The following KIRREL3 variants were observed in gnomAD, a reference collection of about 807,000 sequenced individuals.
The protein encoded by KIRREL3 is kirre like nephrin family adhesion molecule 3.
Under a neutral mutation model 89.7 loss-of-function variants are expected in KIRREL3, and 36 were observed. The observed-to-expected ratio is 0.40, with a 90% CI of 0.31 to 0.53. The LOEUF is 0.53. Ranked by LOEUF, KIRREL3 falls within the 20% of genes least tolerant of loss-of-function variation. KIRREL3 has a pLI of 0.49. For missense variants in KIRREL3, 864 were observed against 1,056.6 expected, an observed-to-expected ratio of 0.82 and a Z score of 2.53; for synonymous variants, 445 against 441.4, an observed-to-expected ratio of 1.01 and a Z score of -0.10.
At chr11:126,915,889 TA>T (rs1349299786) in intron 1 of KIRREL3, among the ~76,000 whole-genome samples, 5 of 151,984 alleles carry the variant, frequency 3.3e-5, no homozygotes, top group Admixed American at 2.0e-4. Flanking sequence ...TTTGCAAATG[TA>T]AAAAAAATTC....
In KIRREL3 at chr11:126,890,284, A is replaced by G. The variant is rs1945861470; in HGVS notation, c.55+110171T>C. ...TCCGAGAGTGCCTCATACCTAAGACAGTCAGCCCTGACCAGCAACAATAGC... is the reference window on the plus strand; with the variant it reads ...TCCGAGAGTGCCTCATACCTAAGACGGTCAGCCCTGACCAGCAACAATAGC... On this transcript the variant is annotated intron_variant, in intron 1 of 16. Coordinates refer to ENST00000525144, the MANE Select transcript of KIRREL3 (RefSeq NM_032531.4). This position sits in a 1 kb window ranked among gnomAD's most constrained non-coding sequence, Gnocchi z 5.1. Among the ~76,000 whole-genome samples the G allele has an allele frequency of 6.6e-6, 1 of 152,200 alleles. No individual in the cohort carries two copies. The highest frequency in any genetic ancestry group is 1.5e-5 in the Non-Finnish European group (1 of 68,034).
chr11:126,893,205 T>C (rs1474321072), intron 1 of KIRREL3, among the ~76,000 whole-genome samples: 1 of 152,226 alleles, frequency 6.6e-6, no homozygotes, highest in Non-Finnish European at 1.5e-5. Flanking sequence ...AAGGCTCTTC[T>C]ATAATTTTAC....
intron 1 of KIRREL3, among the ~76,000 whole-genome samples, chr11:126,836,444 C>A (rs1943783864): frequency 6.6e-6 from 1 of 150,716 alleles, no homozygotes; most frequent in African/African-American, 2.5e-5. Flanking sequence ...GGGTCTGAGC[C>A]AAGCCAATAT....
intron 1 of KIRREL3, among the ~76,000 whole-genome samples, chr11:126,690,373 T>TC (rs1164597471): frequency 6.6e-6 from 1 of 151,868 alleles, no homozygotes. Context: ...TTTTTTTTTT[T>TC]TTTCCCATTA....
At position 126,985,314 on chromosome 11, in the gene KIRREL3, C is replaced by T. The variant is rs1045502607; in HGVS notation, c.55+15141G>A. 6.6e-6 allele frequency among the ~76,000 whole-genome samples: 1 copy of T among 152,132 alleles called. No individual in the cohort carries two copies. The highest frequency in any genetic ancestry group is 2.4e-5 in the African/African-American group (1 of 41,416). On this transcript the variant is annotated intron_variant, in intron 1 of 16. Transcript: ENST00000525144. The surrounding 1 kb of genome is among the most constrained non-coding windows in gnomAD (Gnocchi z 5.3). ...ATTGTATCTGACTCTGCGCCCAAGT[C>T]CAACAAAGCCACTGCACGGTAGATG...
chr11:126,992,697 T>G (rs1950068499), intron 1 of KIRREL3, among the ~76,000 whole-genome samples: 1 of 152,218 alleles, frequency 6.6e-6, no homozygotes, highest in African/African-American at 2.4e-5. Flanking sequence ...AAAGACATCA[T>G]CAGCAAAATG....
At chr11:126,692,963 G>A (rs1253725350) in intron 1 of KIRREL3, among the ~76,000 whole-genome samples, 1 of 152,236 alleles carries the variant, frequency 6.6e-6, no homozygotes, top group Non-Finnish European at 1.5e-5. Flanking sequence ...CCCATAGCCT[G>A]TGGTGGAAGC....
chr11:126,892,706 G>T lies in KIRREL3; in HGVS notation c.55+107749C>A, dbSNP rs1005400958. ...TGATTTCATCTCCAGTAGCCAAGTA[G>T]AAACTACAGCATGACCTGACTTCTA... is the stretch of plus-strand genomic sequence containing the variant. On this transcript the variant is annotated intron_variant, in intron 1 of 16. Transcript: ENST00000525144. The surrounding 1 kb of genome is among the most constrained non-coding windows in gnomAD (Gnocchi z 5.4). Among the ~76,000 whole-genome samples the T allele has an allele frequency of 2.0e-5, 3 of 152,190 alleles. No individual in the cohort carries two copies. The highest frequency in any genetic ancestry group is 2.0e-4 in the Admixed American group (3 of 15,282).
chr11:126,823,393 A>AT lies in KIRREL3; in HGVS notation c.55+177061dup, dbSNP rs556221518. On this transcript the variant is annotated intron_variant, in intron 1 of 16. Transcript: ENST00000525144. ...CATATAACCTGGTCTTTATGCCTCC[A>AT]TTTTTTCTGACTCTAGGCAGGCAGA... Among the ~76,000 whole-genome samples the AT allele has an allele frequency of 1.7e-3, 259 of 152,072 alleles. 1 individual carries two copies. The highest frequency in any genetic ancestry group is 5.8e-3 in the African/African-American group (241 of 41,452).
At position 126,814,144 on chromosome 11, in the gene KIRREL3, A is replaced by T. The variant is rs1441521245; in HGVS notation, c.55+186311T>A. Among the ~76,000 whole-genome samples, 1 of 152,254 alleles carries T rather than the reference A, an allele frequency of 6.6e-6. No homozygotes were observed. Among genetic ancestry groups the T allele is most frequent in the Non-Finnish European group, 1.5e-5 (1 of 68,054 alleles). ...GAAGACATACATGTGGCCAACAAAT[A>T]TATGAAAAAAAGCTTAACATCACTG... On this transcript the variant is annotated intron_variant, in intron 1 of 16. Coordinates refer to ENST00000525144, the MANE Select transcript of KIRREL3 (RefSeq NM_032531.4). The surrounding 1 kb of genome is among the most constrained non-coding windows in gnomAD (Gnocchi z 4.4).
chr11:126,558,692 A>G lies in KIRREL3; in HGVS notation c.133+4143T>C, dbSNP rs976821211. On this transcript the variant is annotated intron_variant, in intron 2 of 16. Transcript: ENST00000525144. This position sits in a 1 kb window ranked among gnomAD's most constrained non-coding sequence, Gnocchi z 4.0. Reference sequence around the variant, plus strand: ...CCCCTGATACATGTGACAGCCTTCTACTCTGCCTGGGAATAGGATCAGGTC... The same window carrying G: ...CCCCTGATACATGTGACAGCCTTCTGCTCTGCCTGGGAATAGGATCAGGTC... Among the ~76,000 whole-genome samples, 2 of 151,934 alleles carry G rather than the reference A, an allele frequency of 1.3e-5. No homozygotes were observed. The highest frequency in any genetic ancestry group is 4.8e-5 in the African/African-American group (2 of 41,346).
chr11:126,863,513 GTGTT>G lies in KIRREL3; in HGVS notation c.55+136938_55+136941del, dbSNP rs1394843879. Among the ~76,000 whole-genome samples, 4 of 150,728 alleles carry G rather than the reference GTGTT, an allele frequency of 2.7e-5. 1 individual carries two copies. Among genetic ancestry groups the G allele is most frequent in the Non-Finnish European group, 4.4e-5 (3 of 67,678 alleles). On this transcript the variant is annotated intron_variant, in intron 1 of 16. Coordinates refer to ENST00000525144, the MANE Select transcript of KIRREL3 (RefSeq NM_032531.4). ...TGCGTGTGTGAGTGTGAGTGCGTGT[GTGTT>G]TGAGTGCGTGTGTGAGTGCGTGTGA...
rs1308687393 is a variant in KIRREL3 at position 126,739,127 on chromosome 11, G to GA, written c.56-176216dup. ...CACACAGCTAGAAATTAGCAGGATG[G>GA]AAACTCCAATCCAGACTGTTCTGGC... On this transcript the variant is annotated intron_variant, in intron 1 of 16. Transcript: ENST00000525144. The surrounding 1 kb of genome is among the most constrained non-coding windows in gnomAD (Gnocchi z 5.5). Among the ~76,000 whole-genome samples the GA allele has an allele frequency of 1.3e-5, 2 of 152,218 alleles. No homozygotes were observed. The highest frequency in any genetic ancestry group is 1.3e-4 in the Admixed American group (2 of 15,284).
intron 1 of KIRREL3, among the ~76,000 whole-genome samples, chr11:126,856,676 C>A (rs914510765): frequency 6.6e-6 from 1 of 150,784 alleles, no homozygotes; most frequent in East Asian, 2.0e-4. Context: ...AGTGCAGTGG[C>A]GCCATCTCGG....
chr11:126,450,613 G>A (rs1002041892), intron 7 of KIRREL3, among the ~76,000 whole-genome samples: 16 of 150,998 alleles, frequency 1.1e-4, no homozygotes, highest in African/African-American at 3.4e-4. Flanking sequence ...GTCCATCGGC[G>A]TGTGCGAGCA....
In KIRREL3 at chr11:126,976,311, A is replaced by G. The variant is rs1477797866; in HGVS notation, c.55+24144T>C. Among the ~76,000 whole-genome samples the G allele has an allele frequency of 6.6e-6, 1 of 152,212 alleles. No homozygotes were observed. Among genetic ancestry groups the G allele is most frequent in the Non-Finnish European group, 1.5e-5 (1 of 68,034 alleles). ...TATAATGACATATTATTTTTCTTAA[A>G]TGAGATGTTAGCATCACTTGCTTTT... On this transcript the variant is annotated intron_variant, in intron 1 of 16. Transcript: ENST00000525144. This position sits in a 1 kb window ranked among gnomAD's most constrained non-coding sequence, Gnocchi z 4.2.
intron 9 of KIRREL3, among the ~76,000 whole-genome samples, chr11:126,445,612 G>T (rs369402305): frequency 6.6e-6 from 1 of 152,202 alleles, no homozygotes; most frequent in Non-Finnish European, 1.5e-5. Context: ...CTTGGTCTGC[G>T]TTCGAATCCC....
Position 126,769,275 on chromosome 11 carries a change from C to G in KIRREL3, c.56-206363G>C, listed in dbSNP as rs1156816031. 6.6e-6 allele frequency among the ~76,000 whole-genome samples: 1 copy of G among 152,162 alleles called. No individual in the cohort carries two copies. Among genetic ancestry groups the G allele is most frequent in the East Asian group, 1.9e-4 (1 of 5,186 alleles). On this transcript the variant is annotated intron_variant, in intron 1 of 16. Transcript: ENST00000525144. The surrounding 1 kb of genome is among the most constrained non-coding windows in gnomAD (Gnocchi z 4.3). Reference sequence around the variant, plus strand: ...GTCCTCCCTAGCGAGTAGCCTGCAACATGGTAGGGGCTTAATAGATTTGAT... The same window carrying G: ...GTCCTCCCTAGCGAGTAGCCTGCAAGATGGTAGGGGCTTAATAGATTTGAT...
At chr11:126,758,984 T>C (rs1565708062) in intron 1 of KIRREL3, among the ~76,000 whole-genome samples, 2 of 152,182 alleles carry the variant, frequency 1.3e-5, no homozygotes, top group Admixed American at 1.3e-4. Context: ...TATATTTCCT[T>C]TGGGTGCATT....
Sources: gnomAD v4.1 joint callset for allele counts (sites outside exome capture counted in the v4.1 genomes callset) on GRCh38, gnomAD v4.1.1 for gene constraint, Gnocchi (gnomAD v3.1) non-coding constraint, MANE v1.5 for transcripts, NCBI Gene and HGNC (gene_info 2026-07-23, HGNC 2026-07-21) for gene names.